The following TGS1 variants were observed in gnomAD, a reference collection of about 807,000 sequenced individuals.
The protein encoded by TGS1 is trimethylguanosine synthase 1.
A neutral mutation model predicts 92.2 loss-of-function variants in TGS1; 69 were observed. The observed-to-expected ratio is 0.75, with a 90% CI of 0.62 to 0.91. The LOEUF (loss-of-function observed/expected upper bound fraction) is 0.91, where lower values mean the gene tolerates loss of function less well. TGS1 is among the 40% of genes least tolerant of loss of function. TGS1 has a pLI of 0.00. For synonymous variants in TGS1, 345 were observed against 338.1 expected (o/e 1.02, Z -0.22); for missense variants, 1,062 against 1,001.2 (o/e 1.06, Z -0.82).
At chr8:55,788,875 G>A (rs1811796040) in intron 4 of TGS1, among the ~76,000 whole-genome samples, 1 of 151,878 alleles carries the variant, frequency 6.6e-6, no homozygotes, top group Admixed American at 6.6e-5. Context: ...GCATTGTTTT[G>A]GCCTCTGACT....
Position 55,799,025 on chromosome 8 carries a change from C to A in TGS1, c.1654C>A (p.Gln552Lys). 6.2e-7 allele frequency: 1 copy of A among 1,614,186 alleles called. No individual in the cohort carries two copies. The highest frequency in any genetic ancestry group is 8.5e-7 in the Non-Finnish European group (1 of 1,180,030). Reference protein sequence around the residue: ...DASTSSDSEEQDMSVKKGDDL... With the variant: ...DASTSSDSEEKDMSVKKGDDL... ...TTCCACAAGTAGTGATTCAGAGGAA[C>A]AAGACATGTCTGTTAAAAAAGGTGA... The change falls in exon 8 of 13, where the codon CAA becomes AAA. Residue 552 changes from glutamine to lysine, a missense_variant. Gln to Lys is a moderately conservative substitution (Grantham distance 53). Transcript: ENST00000260129.
intron 5 of TGS1, among the ~76,000 whole-genome samples, chr8:55,791,198 C>T (rs1474639482): frequency 6.6e-6 from 1 of 152,156 alleles, no homozygotes; most frequent in Admixed American, 6.5e-5. Context: ...TTCTGTTTAC[C>T]ACTGTGAAAG....
At chr8:55,802,753 T>G (rs1269066803) in intron 9 of TGS1, 147 bp downstream of exon 9, 1 of 688,166 alleles carries the variant, frequency 1.5e-6, no homozygotes, top group Admixed American at 3.1e-5. Flanking sequence ...GTTCTCATTC[T>G]CTCTCCATAT....
intron 12 of TGS1, among the ~76,000 whole-genome samples, chr8:55,821,985 A>G (rs1272139694): frequency 6.6e-6 from 1 of 150,844 alleles, no homozygotes; most frequent in East Asian, 1.9e-4. Context: ...GGAGATAGAC[A>G]GTATTCATAT....
chr8:55,808,812 T>C (rs780025050), intron 10 of TGS1, among the ~76,000 whole-genome samples: 7 of 152,066 alleles, frequency 4.6e-5, no homozygotes, highest in Non-Finnish European at 8.8e-5. Context: ...CCCTAGCCTG[T>C]AGTGGGGTCC....
intron 1 of TGS1, among the ~76,000 whole-genome samples, chr8:55,778,351 A>C (rs111415175): frequency 1.3e-5 from 2 of 152,224 alleles, no homozygotes; most frequent in Non-Finnish European, 2.9e-5. Flanking sequence ...CCTTTCTACT[A>C]TGCTACCAGT....
intron 10 of TGS1, among the ~76,000 whole-genome samples, chr8:55,810,243 T>C (rs1251462841): frequency 2.0e-5 from 3 of 152,234 alleles, no homozygotes; most frequent in Admixed American, 6.5e-5. Flanking sequence ...ATGGATAGGC[T>C]AAAATTAAAT....
At chr8:55,789,247 T>G (rs1811806073) in intron 4 of TGS1, among the ~76,000 whole-genome samples, 1 of 152,218 alleles carries the variant, frequency 6.6e-6, no homozygotes, top group African/African-American at 2.4e-5. Context: ...TCTTCCAGTC[T>G]GACAAAATAG....
intron 6 of TGS1, among the ~76,000 whole-genome samples, chr8:55,793,898 G>T (rs1474574179): frequency 6.6e-6 from 1 of 151,700 alleles, no homozygotes; most frequent in African/African-American, 2.4e-5. Context: ...GATTACAGGC[G>T]TGAGCCACCG....
intron 10 of TGS1, 125 bp from the exon 11 acceptor site, chr8:55,810,756 A>G: frequency 1.3e-6 from 1 of 760,784 alleles, no homozygotes; most frequent in East Asian, 2.5e-5. Flanking sequence ...ATATGTGGCC[A>G]AATGTCTCCT....
chr8:55,804,041 A>G (rs551666118), intron 9 of TGS1, among the ~76,000 whole-genome samples: 25 of 152,324 alleles, frequency 1.6e-4, no homozygotes, highest in African/African-American at 5.8e-4. Flanking sequence ...GAGTGGACAC[A>G]GGACCTCATT....
chr8:55,777,323 T>C, intron 1 of TGS1, among the ~76,000 whole-genome samples: 1 of 149,542 alleles, frequency 6.7e-6, no homozygotes, highest in East Asian at 2.0e-4. Flanking sequence ...TCCTGCTAAG[T>C]CCATGTAGCA....
At chr8:55,783,144 C>T (rs1030128075) in intron 2 of TGS1, among the ~76,000 whole-genome samples, 4 of 152,118 alleles carry the variant, frequency 2.6e-5, no homozygotes, top group Admixed American at 6.5e-5. Flanking sequence ...TCTGGCTGGA[C>T]GTGGTAGCTC....
chr8:55,811,261 G>A (rs565927074), intron 11 of TGS1, among the ~76,000 whole-genome samples, 164 bp downstream of exon 11: 1 of 152,096 alleles, frequency 6.6e-6, no homozygotes, highest in East Asian at 1.9e-4. Flanking sequence ...TCAGGAGTTC[G>A]AGACCAGCCT....
At chr8:55,782,948 A>T in intron 2 of TGS1, 136 bp downstream of exon 2, 1 of 610,182 alleles carries the variant, frequency 1.6e-6, no homozygotes, top group East Asian at 3.1e-5. Context: ...GTAATCAGAC[A>T]ATTTTTATTT....
intron 1 of TGS1, among the ~76,000 whole-genome samples, chr8:55,780,160 C>CTT (rs56871302): frequency 1.7e-3 from 216 of 130,886 alleles, no homozygotes; most frequent in African/African-American, 5.3e-3. Flanking sequence ...TCTGGCATGG[C>CTT]TTTTTTTTTT....
intron 1 of TGS1, among the ~76,000 whole-genome samples, chr8:55,775,858 A>T (rs924923519): frequency 4.6e-5 from 7 of 152,144 alleles, no homozygotes; most frequent in Non-Finnish European, 1.0e-4. Flanking sequence ...ACAAGAAGAG[A>T]TGGATTAACT....
chr8:55,786,335 A>T lies in TGS1; in HGVS notation c.437A>T (p.Tyr146Phe). ...EIVQESWRKE[Y>F]EEDDILASDD... is the part of the protein sequence containing the mutation. ...GTGCAAGAATCTTGGAGAAAAGAAT[A>T]TGAAGAAGACGACATTTTGGCTTCA... The change falls in exon 4 of 13, where the codon TAT becomes TTT. Residue 146 changes from tyrosine to phenylalanine, a missense_variant. Coordinates refer to ENST00000260129, the MANE Select transcript of TGS1 (RefSeq NM_024831.8). 3 of 1,609,960 alleles carry T rather than the reference A, an allele frequency of 1.9e-6. No individual in the cohort carries two copies. The highest frequency in any genetic ancestry group is 2.5e-6 in the Non-Finnish European group (3 of 1,177,466).
rs749203970 is a variant in TGS1, at chr8:55,799,132, T to A, written c.1761T>A (p.Tyr587Ter). 1 of 1,614,136 alleles carries A rather than the reference T, an allele frequency of 6.2e-7. No homozygotes were observed. Among genetic ancestry groups the A allele is most frequent in the South Asian group, 1.1e-5 (1 of 91,078 alleles). The change falls in exon 8 of 13, where the codon TAT (tyrosine) becomes TAA (stop). Residue 587 changes from tyrosine to a stop codon, truncating the protein, a stop_gained. Coordinates refer to ENST00000260129, the MANE Select transcript of TGS1 (RefSeq NM_024831.8). LOFTEE classifies it high-confidence loss of function. ...CTGGTGAACTTGAAACAGAAAACTA[T>A]GAAAGAGACAGCTTGCTAGCAACTG... ...SSAGELETEN[Y>*]ERDSLLATVP...
Sources: gnomAD v4.1 joint callset for allele counts (sites outside exome capture counted in the v4.1 genomes callset) on GRCh38, gnomAD v4.1.1 for gene constraint, MANE v1.5 for transcripts, NCBI Gene and HGNC (gene_info 2026-07-23, HGNC 2026-07-21) for gene names.